The following DAB1 variants were observed in gnomAD, a reference collection of about 807,000 sequenced individuals.
DAB1 encodes disabled homolog 1.
DAB1 carries 15 observed loss-of-function variants against 64.6 expected under a neutral mutation model. That is an observed-to-expected ratio of 0.23 (90% CI 0.16 to 0.36). DAB1 has a LOEUF of 0.36. DAB1 is among the 10% of genes least tolerant of loss of function. The pLI, the probability that DAB1 is intolerant of heterozygous loss-of-function variation, is 1.00. For synonymous variants in DAB1, 235 were observed against 251.9 expected (o/e 0.93, Z 0.64); for missense variants, 596 against 706.7 (o/e 0.84, Z 1.78).
Position 57,538,938 on chromosome 1 carries a change from C to T in DAB1, n.625+110654G>A, listed in dbSNP as rs377661850. 6.6e-5 allele frequency among the ~76,000 whole-genome samples: 10 copies of T among 152,348 alleles called. No individual in the cohort carries two copies. The South Asian group carries it at 8.3e-4, about 13-fold the overall frequency. On this transcript the variant is annotated intron_variant and non_coding_transcript_variant, in intron 7 of 20. Transcript: ENST00000485760. ...GGCAATGAGTTGCATGCTTGGGATA[C>T]AGCAGGGAACAAGGGGCAAAATGCT...
intron 1 of DAB1, chr1:57,880,028 G>A (rs966582521): frequency 6.6e-6 from 1 of 152,068 alleles, no homozygotes; most frequent in Non-Finnish European, 1.5e-5. Flanking sequence ...TCCAGAAATG[G>A]GCCCATTGTA....
chr1:57,101,975 C>A (rs529605872), intron 4 of DAB1, among the ~76,000 whole-genome samples: 5 of 152,172 alleles, frequency 3.3e-5, no homozygotes, highest in Admixed American at 2.0e-4. Context: ...AGATTTGAAT[C>A]CAGGCTGTCT....
intron 5 of DAB1, among the ~76,000 whole-genome samples, chr1:57,981,085 G>A (rs1646055238): frequency 6.6e-6 from 1 of 151,994 alleles, no homozygotes; most frequent in Non-Finnish European, 1.5e-5. Context: ...TCTAGAGTCA[G>A]AGAGAACAAA....
intron 4 of DAB1, among the ~76,000 whole-genome samples, chr1:58,285,504 A>G (rs182671491): frequency 6.6e-6 from 1 of 152,330 alleles, no homozygotes; most frequent in Non-Finnish European, 1.5e-5. Context: ...AAAAATCACA[A>G]GCATTTCTGT....
chr1:58,473,922 T>G (rs1214676607), intron 3 of DAB1: 3 of 1,184,226 alleles, frequency 2.5e-6, no homozygotes, highest in Non-Finnish European at 3.4e-6. Flanking sequence ...GAGCGTTAAC[T>G]CTGCAATCTG....
intron 6 of DAB1, among the ~76,000 whole-genome samples, chr1:57,818,141 T>C (rs542488326): frequency 6.6e-6 from 1 of 152,306 alleles, no homozygotes; most frequent in African/African-American, 2.4e-5. Context: ...GAGAGCTAGA[T>C]AATACTATAG....
chr1:57,730,686 G>A (rs1012529085), intron 6 of DAB1, among the ~76,000 whole-genome samples: 13 of 152,168 alleles, frequency 8.5e-5, no homozygotes, highest in African/African-American at 3.1e-4. Flanking sequence ...GGACAAGACT[G>A]GGCTTTCTTC....
intron 1 of DAB1, among the ~76,000 whole-genome samples, chr1:57,879,297 T>C (rs1644104704): frequency 6.6e-6 from 1 of 152,106 alleles, no homozygotes; most frequent in Non-Finnish European, 1.5e-5. Context: ...CCTAAACATC[T>C]CCCAAGTATG....
At chr1:57,089,835 C>T (rs1653477209) in intron 4 of DAB1, among the ~76,000 whole-genome samples, 1 of 152,150 alleles carries the variant, frequency 6.6e-6, no homozygotes. Flanking sequence ...ACAGTCTTGT[C>T]CCAGAACTGT....
chr1:57,083,173 C>T (rs1325291688), intron 4 of DAB1, among the ~76,000 whole-genome samples: 2 of 152,168 alleles, frequency 1.3e-5, no homozygotes, highest in African/African-American at 4.8e-5. Context: ...ATTTCCCCTA[C>T]TTTACTATGG....
intron 3 of DAB1, among the ~76,000 whole-genome samples, chr1:58,390,789 A>C (rs1387174223): frequency 2.6e-5 from 4 of 152,176 alleles, no homozygotes; most frequent in Non-Finnish European, 5.9e-5. Flanking sequence ...TACTTTATAG[A>C]TGAGGAAACT....
chr1:57,543,547 A>G (rs550454862), intron 7 of DAB1, among the ~76,000 whole-genome samples: 1 of 152,344 alleles, frequency 6.6e-6, no homozygotes, highest in East Asian at 1.9e-4. Flanking sequence ...TATAAAAAAC[A>G]AACTGTAATA....
chr1:57,869,025 C>T (rs1654423121), intron 1 of DAB1, among the ~76,000 whole-genome samples: 13 of 152,120 alleles, frequency 8.5e-5, no homozygotes, highest in Admixed American at 7.9e-4. Flanking sequence ...ATCTCCTGGC[C>T]TCCCTAAGAC....
chr1:57,464,030 T>C (rs1419165848), intron 7 of DAB1, among the ~76,000 whole-genome samples: 5 of 152,186 alleles, frequency 3.3e-5, no homozygotes, highest in Non-Finnish European at 7.3e-5. Flanking sequence ...AGCTAAACCA[T>C]ATTAATCTTG....
In DAB1 at chr1:57,747,870, T is replaced by C. The variant is rs530065394; in HGVS notation, n.552-98205A>G. On this transcript the variant is annotated intron_variant and non_coding_transcript_variant, in intron 6 of 20. Coordinates refer to the DAB1 transcript ENST00000485760. ...TATTCTGAGCTAGGCCAACTGGCAC[T>C]GAAATATCCATGCTTAAAGGGACAG... 2.4e-5 allele frequency among the ~76,000 whole-genome samples: 3 copies of C among 124,938 alleles called. No homozygotes were observed. In the South Asian group the frequency reaches 7.7e-4, roughly 32 times the overall value. 82.0% of individuals were successfully genotyped at this position (124,938 alleles called of 152,430 possible). A position where few individuals can be genotyped will look rare whatever the true frequency, so the allele number is the denominator to read the frequency against.
chr1:57,284,145 A>T (rs990330434), intron 2 of DAB1, among the ~76,000 whole-genome samples: 1 of 152,234 alleles, frequency 6.6e-6, no homozygotes, highest in Admixed American at 6.5e-5. Flanking sequence ...ATAAACTTGG[A>T]GTCAAAGTAA....
At chr1:58,359,786 AGAT>A (rs1021963644) in intron 3 of DAB1, among the ~76,000 whole-genome samples, 144 of 152,110 alleles carry the variant, frequency 9.5e-4, no homozygotes, top group African/African-American at 3.2e-3. Context: ...TGCCACTGGA[AGAT>A]GATGATGATA....
At chr1:58,242,068 C>T (rs1034083157) in intron 4 of DAB1, among the ~76,000 whole-genome samples, 3 of 151,894 alleles carry the variant, frequency 2.0e-5, no homozygotes, top group Admixed American at 6.6e-5. Flanking sequence ...AAAATCAATG[C>T]CTATCAGATG....
chr1:57,021,470 T>C (rs1646618052), intron 11 of DAB1, among the ~76,000 whole-genome samples: 1 of 152,160 alleles, frequency 6.6e-6, no homozygotes, highest in Non-Finnish European at 1.5e-5. Context: ...GTTCTCATGG[T>C]AGTGAGTAAG....
Sources: gnomAD v4.1 joint callset for allele counts (sites outside exome capture counted in the v4.1 genomes callset) on GRCh38, gnomAD v4.1.1 for gene constraint, MANE v1.5 for transcripts, NCBI Gene and HGNC (gene_info 2026-07-23, HGNC 2026-07-21) for gene names.